The following KNDC1 variants were observed in gnomAD, a reference collection of about 807,000 sequenced individuals.
KNDC1 encodes kinase non-catalytic C-lobe domain-containing protein 1.
In KNDC1, 106 loss-of-function variants were observed where a neutral mutation model predicts 172.8. The ratio of observed to expected loss-of-function variants is 0.61; its 90% confidence interval spans 0.52 to 0.72. KNDC1 has a LOEUF of 0.72. Among genes scored for constraint, KNDC1 ranks in the 30% least tolerant of loss-of-function variants. The pLI is 0.00. For missense variants in KNDC1, 2,325 were observed against 2,394.5 expected (o/e 0.97, Z 0.61); for synonymous variants, 1,083 against 1,062.2 (o/e 1.02, Z -0.38).
intron 3 of KNDC1, 52 bp downstream of exon 3, chr10:133,168,364 G>A (rs1027508686): frequency 1.3e-6 from 2 of 1,550,216 alleles, no homozygotes; most frequent in South Asian, 1.1e-5. Flanking sequence ...CTCTATGGTG[G>A]CCTCTGCCAT....
chr10:133,190,275 G>A (rs1854041101), intron 9 of KNDC1, among the ~76,000 whole-genome samples: 1 of 136,570 alleles, frequency 7.3e-6, no homozygotes, highest in African/African-American at 3.6e-5. Flanking sequence ...CAAACACCCT[G>A]CAATAAGCAC....
rs148948785 is a variant in KNDC1 at position 133,167,822 on chromosome 10, C to T, written c.301+243C>T. On this transcript the variant is annotated intron_variant, in intron 2 of 29. Coordinates refer to ENST00000304613, the MANE Select transcript of KNDC1 (RefSeq NM_152643.8). The stretch of plus-strand genomic sequence containing the variant: ...TCAGACACCAGAGGGACACTCGGCC[C>T]GCCCTGAGCCCCCTCCGCTCAGGAC... 5.3e-3 allele frequency among the ~76,000 whole-genome samples: 808 copies of T among 152,294 alleles called. 11 individuals carry two copies. Among genetic ancestry groups the T allele is most frequent in the African/African-American group, 0.019 (778 of 41,570 alleles).
At position 133,211,694 on chromosome 10, in the gene KNDC1, G is replaced by A. The variant is rs199960456; in HGVS notation, c.4072G>A (p.Gly1358Ser). Residue 1358 changes from glycine to serine, a missense_variant, in exon 23 of 30, where the codon GGC becomes AGC. Coordinates refer to ENST00000304613, the MANE Select transcript of KNDC1 (RefSeq NM_152643.8). ...FISSKILPLD[G>S]SAKHLLGLLE... ...TTCTGCCTAGATCCTACCCCTGGAC[G>A]GCTCTGCCAAGCACCTGCTGGGCCT... The A allele has an allele frequency of 1.2e-4, 192 of 1,598,984 alleles. No homozygotes were observed. The highest frequency in any genetic ancestry group is 1.5e-4 in the Non-Finnish European group (171 of 1,172,226).
intron 12 of KNDC1, 123 bp downstream of exon 12, chr10:133,197,891 GC>G: frequency 1.2e-6 from 1 of 831,880 alleles, no homozygotes; most frequent in Non-Finnish European, 2.0e-6. Context: ...CAAGTCCAGA[GC>G]TCGGCCAACG....
At chr10:133,182,154 C>T (rs997771572) in intron 3 of KNDC1, among the ~76,000 whole-genome samples, 25 of 152,182 alleles carry the variant, frequency 1.6e-4, no homozygotes, top group African/African-American at 5.5e-4. Context: ...AGCCTGGGGC[C>T]GCGGGATGCA....
At chr10:133,211,627 G>A (rs944397969) in intron 22 of KNDC1, 52 bp from the exon 23 acceptor site, 16 of 1,595,562 alleles carry the variant, frequency 1.0e-5, no homozygotes, top group East Asian at 4.5e-5. Flanking sequence ...GGGAGGTGCC[G>A]CCCTCCTCCA....
chr10:133,211,295 C>T (rs766457800), intron 21 of KNDC1, 127 bp from the exon 22 acceptor site: 6 of 852,298 alleles, frequency 7.0e-6, no homozygotes, highest in African/African-American at 3.4e-5. Context: ...CCCCCAGCCC[C>T]CTAAGCCCCC....
intron 26 of KNDC1, among the ~76,000 whole-genome samples, chr10:133,215,802 C>A (rs1315849971): frequency 6.6e-6 from 1 of 152,262 alleles, no homozygotes; most frequent in Non-Finnish European, 1.5e-5. Context: ...CACCCGTGTA[C>A]AGGTCTGCAG....
At chr10:133,223,604 TGAGA>T (rs1257266795) in intron 29 of KNDC1, among the ~76,000 whole-genome samples, 1 of 63,888 alleles carries the variant, frequency 1.6e-5, no homozygotes. Flanking sequence ...TGTGTGTGTG[TGAGA>T]GCCCATCCAG....
At chr10:133,202,292 C>A in intron 17 of KNDC1, 1 of 502,906 alleles carries the variant, frequency 2.0e-6, no homozygotes, top group Non-Finnish European at 3.9e-6. Flanking sequence ...AAGAAAACAC[C>A]AAAAACGCCT....
chr10:133,224,788 A>C lies in KNDC1; in HGVS notation c.5148A>C (p.Thr1716=), dbSNP rs1448152697. The C allele has an allele frequency of 1.9e-6, 3 of 1,613,770 alleles. No individual in the cohort carries two copies. Among genetic ancestry groups the C allele is most frequent in the Non-Finnish European group, 2.5e-6 (3 of 1,180,000 alleles). ...IARFSGADIS[T]LAADSRANFH... is the part of the protein sequence containing the mutation. ...GCTTCAGCGGTGCCGACATTTCCACACTCGCCGCAGATAGCAGGGCCAACT... is the reference window on the plus strand; with the variant it reads ...GCTTCAGCGGTGCCGACATTTCCACCCTCGCCGCAGATAGCAGGGCCAACT... Residue 1716 remains threonine, a synonymous_variant, in exon 30 of 30, where the codon ACA becomes ACC. Coordinates refer to ENST00000304613, the MANE Select transcript of KNDC1 (RefSeq NM_152643.8). This position sits in a 1 kb window ranked among gnomAD's most constrained non-coding sequence, Gnocchi z 5.4.
chr10:133,219,367 G>T (rs1845534499), intron 28 of KNDC1, among the ~76,000 whole-genome samples: 1 of 152,258 alleles, frequency 6.6e-6, no homozygotes, highest in African/African-American at 2.4e-5. Context: ...GAGGTCTGTG[G>T]CTGGGGCCTG....
chr10:133,182,813 T>TGCGCGGGCGGCGAGG (rs1163936693), intron 3 of KNDC1, among the ~76,000 whole-genome samples: 2 of 152,298 alleles, frequency 1.3e-5, no homozygotes, highest in South Asian at 2.1e-4. Flanking sequence ...TAGGCCCAAC[T>TGCGCGGGCGGCGAGG]GCGCGGGCGG....
chr10:133,196,547 G>A (rs528010746), intron 10 of KNDC1, among the ~76,000 whole-genome samples: 302 of 152,348 alleles, frequency 2.0e-3, no homozygotes, highest in Non-Finnish European at 3.6e-3. Flanking sequence ...CTGTGGTCTT[G>A]GGCGGGTTGC....
intron 2 of KNDC1, 61 bp downstream of exon 2, chr10:133,167,640 G>T: frequency 6.7e-7 from 1 of 1,498,790 alleles, no homozygotes; most frequent in Admixed American, 2.0e-5. Context: ...GCCTTTCAGG[G>T]GGGATGTGAG....
chr10:133,167,801 A>G (rs1853223628), intron 2 of KNDC1, among the ~76,000 whole-genome samples: 1 of 152,088 alleles, frequency 6.6e-6, no homozygotes, highest in Admixed American at 6.5e-5. Context: ...CTACCCTCAG[A>G]CACCAGAGGG....
chr10:133,222,386 G>A (rs1845616629), intron 29 of KNDC1, among the ~76,000 whole-genome samples: 1 of 152,148 alleles, frequency 6.6e-6, no homozygotes, highest in Non-Finnish European at 1.5e-5. Flanking sequence ...AGCGCCTCCA[G>A]ATCTGCCCTT....
Position 133,212,896 on chromosome 10 carries a change from T to C in KNDC1, c.4417T>C (p.Phe1473Leu). Residue 1473 changes from phenylalanine (F) to leucine (L), a missense_variant, in exon 24 of 30, where the codon TTC (phenylalanine) becomes CTC (leucine). Transcript: ENST00000304613. ...FLTEYSTHQLFSQLTLLQQEL... is the reference protein window; with the variant it reads ...FLTEYSTHQLLSQLTLLQQEL... ...GACGGAGTACAGCACTCACCAGCTC[T>C]TCAGCCAGCTCACGCTGCTACAGCA... The C allele has an allele frequency of 1.2e-6, 2 of 1,613,248 alleles. No homozygotes were observed. The highest frequency in any genetic ancestry group is 1.7e-6 in the Non-Finnish European group (2 of 1,179,510).
At chr10:133,221,795 G>A (rs1201871893) in intron 29 of KNDC1, among the ~76,000 whole-genome samples, 1 of 152,172 alleles carries the variant, frequency 6.6e-6, no homozygotes, top group African/African-American at 2.4e-5. Context: ...ACTTAAGGTA[G>A]GCCAGACGCG....
Sources: allele counts gnomAD v4.1 joint callset (sites outside exome capture counted in the v4.1 genomes callset), GRCh38; gene constraint gnomAD v4.1.1; non-coding constraint Gnocchi (gnomAD v3.1); transcripts MANE v1.5; gene names NCBI Gene and HGNC (gene_info 2026-07-23, HGNC 2026-07-21).